C3orf18: variants seen among roughly 807,000 people sequenced by gnomAD.
The protein encoded by C3orf18 is chromosome 3 open reading frame 18.
C3orf18 carries 12 observed loss-of-function variants against 14.1 expected under a neutral mutation model. That is an observed-to-expected ratio of 0.85 (90% CI 0.55 to 1.38). The LOEUF (loss-of-function observed/expected upper bound fraction) is 1.38. Among genes scored for constraint, C3orf18 ranks in the 40% most tolerant of loss-of-function variants. The probability of loss-of-function intolerance (pLI) is 0.00; values close to 1 mark genes in which losing one functional copy is unlikely to be tolerated. For synonymous variants in C3orf18, 82 were observed against 87.9 expected, an observed-to-expected ratio of 0.93 and a Z score of 0.38; for missense variants, 196 against 213.9, an observed-to-expected ratio of 0.92 and a Z score of 0.52.
chr3:50,567,003 T>C (rs1700347895), intron 1 of C3orf18, among the ~76,000 whole-genome samples: 1 of 152,096 alleles, frequency 6.6e-6, no homozygotes, highest in African/African-American at 2.4e-5. Context: ...TGCAGATGCA[T>C]GGGCGTGTGT....
intron 1 of C3orf18, among the ~76,000 whole-genome samples, chr3:50,566,961 G>C (rs961505370): frequency 2.0e-5 from 3 of 152,188 alleles, no homozygotes; most frequent in African/African-American, 7.2e-5. Context: ...CCCCTGTGCT[G>C]GTTCATGGGC....
upstream of C3orf18, chr3:50,571,779 C>G: frequency 2.5e-6 from 4 of 1,614,160 alleles, no homozygotes; most frequent in Admixed American, 6.7e-5. Context: ...TATCCGGGAG[C>G]TGAGTAGCCG....
rs1379286046 is a variant in C3orf18 at position 50,558,560 on chromosome 3, T to C, written c.*1097A>G. 1.9e-6 allele frequency: 1 copy of C among 532,140 alleles called. No individual in the cohort carries two copies. Among genetic ancestry groups the C allele is most frequent in the African/African-American group, 2.0e-5 (1 of 49,908 alleles). The allele number at this position is 532,140 out of a possible 1,614,324, so 33.0% of individuals were successfully genotyped here. On this transcript the variant is annotated 3_prime_UTR_variant, in exon 6 of 6. Coordinates refer to ENST00000357203, the MANE Select transcript of C3orf18 (RefSeq NM_016210.5). The stretch of plus-strand genomic sequence containing the variant: ...AAGTTTTTTAGATGTTTTTCTGAAG[T>C]GCAATCCCTCACCCACTTTCAGGCA...
intron 3 of C3orf18, among the ~76,000 whole-genome samples, chr3:50,562,161 G>C (rs1192649832): frequency 6.6e-6 from 1 of 152,212 alleles, no homozygotes; most frequent in South Asian, 2.1e-4. Context: ...GCCTCCCAAA[G>C]TGCTGGGATT....
Position 50,559,673 on chromosome 3 carries a change from T to C in C3orf18, c.473A>G (p.Asn158Ser), listed in dbSNP as rs1342998668. 1.3e-5 allele frequency: 20 copies of C among 1,591,100 alleles called. No individual in the cohort carries two copies. The highest frequency in any genetic ancestry group is 8.8e-5 in the Admixed American group (5 of 56,998). The change falls in exon 6 of 6, where the codon AAT becomes AGT. Residue 158 changes from asparagine (N) to serine (S), a missense_variant. Asn to Ser is a conservative substitution (Grantham distance 46). Transcript: ENST00000357203. ...PSRLVFTDVA[N>S]AIHA ...CCAGGCCACTCACGCATGGATGGCA[T>C]TGGCCACATCGGTAAACACCAGCCG...
At chr3:50,560,825 A>T in intron 5 of C3orf18, 92 bp downstream of exon 5, 3 of 1,349,304 alleles carry the variant, frequency 2.2e-6, no homozygotes, top group Non-Finnish European at 3.0e-6. Context: ...ACCACAAGGC[A>T]GGTGCTAGAA....
Position 50,558,922 on chromosome 3 carries a change from C to G in C3orf18, c.*735G>C. On this transcript the variant is annotated 3_prime_UTR_variant, in exon 6 of 6. Coordinates refer to ENST00000357203, the MANE Select transcript of C3orf18 (RefSeq NM_016210.5). ...ATGTCTGCCCATGGGCACACTCATG[C>G]ACATGCATGAGGCCTCTCGGCAGGT... The G allele has an allele frequency of 1.6e-6, 2 of 1,288,514 alleles. No homozygotes were observed. The highest frequency in any genetic ancestry group is 2.5e-5 in the South Asian group (2 of 80,946). The allele number at this position is 1,288,514 out of a possible 1,614,324, so 79.8% of individuals were successfully genotyped here.
Position 50,559,091 on chromosome 3 carries a change from G to C in C3orf18, c.*566C>G. 33 of 1,289,828 alleles carry C rather than the reference G, an allele frequency of 2.6e-5. No homozygotes were observed. Among genetic ancestry groups the C allele is most frequent in the Non-Finnish European group, 3.2e-5 (32 of 988,856 alleles). 79.9% of individuals were successfully genotyped at this position (1,289,828 alleles called of 1,614,324 possible). A position where few individuals can be genotyped will look rare whatever the true frequency, so the allele number is the denominator to read the frequency against. ...ACCCTCCGTAGTATGGATGGACCCT[G>C]GGTGTGAATTGCCCTTCTCCTGGCA... is the stretch of plus-strand genomic sequence containing the variant. On this transcript the variant is annotated 3_prime_UTR_variant, in exon 6 of 6. Coordinates refer to ENST00000357203, the MANE Select transcript of C3orf18 (RefSeq NM_016210.5).
At position 50,559,889 on chromosome 3, in the gene C3orf18, C is replaced by T. The variant is rs188987768; in HGVS notation, c.409-152G>A. The T allele has an allele frequency of 2.9e-5, 16 of 543,864 alleles. No homozygotes were observed. In the East Asian group the frequency reaches 4.9e-4, roughly 17 times the overall value. The allele number at this position is 543,864 out of a possible 1,614,324, so 33.7% of individuals were successfully genotyped here. A position where few individuals can be genotyped will look rare whatever the true frequency, so the allele number is the denominator to read the frequency against. ...ATGCCCTCCCTGCAAGCTCAGCCTACAAATATGACTTGGCTCAGATGACTC... is the reference window on the plus strand; with the variant it reads ...ATGCCCTCCCTGCAAGCTCAGCCTATAAATATGACTTGGCTCAGATGACTC... On this transcript the variant is annotated intron_variant, in intron 5 of 5. Coordinates refer to ENST00000357203, the MANE Select transcript of C3orf18 (RefSeq NM_016210.5).
At chr3:50,563,365 C>G (rs569935636) in intron 3 of C3orf18, among the ~76,000 whole-genome samples, 183 of 152,244 alleles carry the variant, frequency 1.2e-3, no homozygotes, top group African/African-American at 4.2e-3. Context: ...GCCCCAAGCC[C>G]TCCTCCCTCC....
upstream of C3orf18, chr3:50,571,301 A>G: frequency 1.2e-6 from 2 of 1,607,484 alleles, no homozygotes; most frequent in Non-Finnish European, 8.5e-7. Flanking sequence ...TCCAGTGAGT[A>G]CATCGTGGCT....
chr3:50,558,769 C>T lies in C3orf18; in HGVS notation c.*888G>A. ...GCGTGCTTCCCTCTTCCCTGCAGTC[C>T]CTGAAGATTGAAGGCAGAGAAGATA... On this transcript the variant is annotated 3_prime_UTR_variant, in exon 6 of 6. Coordinates refer to ENST00000357203, the MANE Select transcript of C3orf18 (RefSeq NM_016210.5). 7.8e-7 allele frequency: 1 copy of T among 1,289,794 alleles called. No individual in the cohort carries two copies. The highest frequency in any genetic ancestry group is 1.0e-6 in the Non-Finnish European group (1 of 988,856). The allele number at this position is 1,289,794 out of a possible 1,614,324, so 79.9% of individuals were successfully genotyped here. A position where few individuals can be genotyped will look rare whatever the true frequency, so the allele number is the denominator to read the frequency against.
chr3:50,573,624 G>A (rs1373201962), upstream of C3orf18, among the ~76,000 whole-genome samples: 1 of 152,216 alleles, frequency 6.6e-6, no homozygotes, highest in African/African-American at 2.4e-5. Flanking sequence ...GGGAGGCCAG[G>A]TGCTCATCTT....
Position 50,561,740 on chromosome 3 carries a change from T to C in C3orf18, c.242A>G (p.Tyr81Cys), listed in dbSNP as rs1277129255. The C allele has an allele frequency of 6.2e-7, 1 of 1,613,704 alleles. No individual in the cohort carries two copies. Among genetic ancestry groups the C allele is most frequent in the Non-Finnish European group, 8.5e-7 (1 of 1,180,000 alleles). ...VIGLAVALVLYIRKKKRLEKL... is the reference protein window; with the variant it reads ...VIGLAVALVLCIRKKKRLEKL... Reference sequence around the variant, plus strand: ...GAATTACCTCTTCTTCTTCCTGATGTACAAAACCTGCAAGAGAAGGAGCAG... The same window carrying C: ...GAATTACCTCTTCTTCTTCCTGATGCACAAAACCTGCAAGAGAAGGAGCAG... Residue 81 changes from tyrosine to cysteine, a missense_variant, in exon 4 of 6, where the codon TAC (tyrosine) becomes TGC (cysteine). Tyr to Cys is a radical substitution (Grantham distance 194). Coordinates refer to ENST00000357203, the MANE Select transcript of C3orf18 (RefSeq NM_016210.5).
At position 50,561,073 on chromosome 3, in the gene C3orf18, G is replaced by C; in HGVS notation, c.261-9C>G. On this transcript the variant is annotated splice_polypyrimidine_tract_variant and intron_variant, in intron 4 of 5. Transcript: ENST00000357203. ...GGCGTAGCTTCTCCAGCCTGGGGAT[G>C]GGGGCAAAGGCTGCTGGGGACAGGG... 1.2e-6 allele frequency: 2 copies of C among 1,613,312 alleles called. No individual in the cohort carries two copies. Among genetic ancestry groups the C allele is most frequent in the Non-Finnish European group, 8.5e-7 (1 of 1,179,556 alleles).
chr3:50,559,738 C>T lies in C3orf18; in HGVS notation c.409-1G>A, dbSNP rs779334815. 4 of 1,578,366 alleles carry T rather than the reference C, an allele frequency of 2.5e-6. No individual in the cohort carries two copies. The South Asian group carries it at 4.7e-5, about 18-fold the overall frequency. On this transcript the variant is annotated splice_acceptor_variant, in intron 5 of 5. Coordinates refer to ENST00000357203, the MANE Select transcript of C3orf18 (RefSeq NM_016210.5). LOFTEE classifies it high-confidence loss of function. Reference sequence around the variant, plus strand: ...GTGGGCCCTGGGAGGGCAGAGTAGTCTGCAGGAAGACAGGCAGGGGCATCA... The same window carrying T: ...GTGGGCCCTGGGAGGGCAGAGTAGTTTGCAGGAAGACAGGCAGGGGCATCA...
chr3:50,558,832 G>C lies in C3orf18; in HGVS notation c.*825C>G. ...GCTCCACTACATACCATGGGGTAGA[G>C]GTCGACTTGGAGGGTGGGGCCAGTG... is the stretch of plus-strand genomic sequence containing the variant. On this transcript the variant is annotated 3_prime_UTR_variant, in exon 6 of 6. Transcript: ENST00000357203. The C allele has an allele frequency of 7.8e-7, 1 of 1,289,874 alleles. No homozygotes were observed. Among genetic ancestry groups the C allele is most frequent in the Non-Finnish European group, 1.0e-6 (1 of 988,882 alleles). 79.9% of individuals were successfully genotyped at this position (1,289,874 alleles called of 1,614,324 possible).
chr3:50,559,577 G>A lies in C3orf18; in HGVS notation c.*80C>T. ...TTGGCAGGGAAGATCTTCAGAGTAGGTCTTGACAATCAGGGAGTGGGGAGC... is the reference window on the plus strand; with the variant it reads ...TTGGCAGGGAAGATCTTCAGAGTAGATCTTGACAATCAGGGAGTGGGGAGC... On this transcript the variant is annotated 3_prime_UTR_variant, in exon 6 of 6. Transcript: ENST00000357203. The A allele has an allele frequency of 6.8e-7, 1 of 1,463,614 alleles. No individual in the cohort carries two copies. Among genetic ancestry groups the A allele is most frequent in the Admixed American group, 2.5e-5 (1 of 40,274 alleles). 90.7% of individuals were successfully genotyped at this position (1,463,614 alleles called of 1,614,324 possible). A position where few individuals can be genotyped will look rare whatever the true frequency, so the allele number is the denominator to read the frequency against.
chr3:50,572,661 G>A (rs1471513348), upstream of C3orf18, among the ~76,000 whole-genome samples: 1 of 152,178 alleles, frequency 6.6e-6, no homozygotes, highest in Non-Finnish European at 1.5e-5. Flanking sequence ...GCCATCTCTG[G>A]GCCCAGATGA....
Sources: allele counts gnomAD v4.1 joint callset (sites outside exome capture counted in the v4.1 genomes callset), GRCh38; gene constraint gnomAD v4.1.1; transcripts MANE v1.5; gene names NCBI Gene and HGNC (gene_info 2026-07-23, HGNC 2026-07-21).